Variants in PDS5A observed in about 807,000 individuals in gnomAD.
PDS5A encodes the protein PDS5 cohesin associated factor A.
A neutral mutation model predicts 167.1 loss-of-function variants in PDS5A; 42 were observed. The ratio of observed to expected loss-of-function variants is 0.25; its 90% CI spans 0.20 to 0.33. The LOEUF (loss-of-function observed/expected upper bound fraction) is 0.33, where lower values mean the gene tolerates loss of function less well. Ranked by LOEUF, PDS5A falls within the 10% of genes least tolerant of loss-of-function variation. The probability of loss-of-function intolerance (pLI) is 1.00; values close to 1 mark genes in which losing one functional copy is unlikely to be tolerated. For synonymous variants in PDS5A, 553 were observed against 554.6 expected (o/e 1.00, Z 0.04); for missense variants, 1,033 against 1,605.9 (o/e 0.64, Z 6.10).
chr4:39,898,604 A>G (rs1722619370), intron 15 of PDS5A, 76 bp from the exon 16 acceptor site: 2 of 1,063,862 alleles, frequency 1.9e-6, no homozygotes, highest in Non-Finnish European at 2.7e-6. Context: ...AACAGGTGCC[A>G]TCAAAATATT....
rs182745610 is a variant in PDS5A at position 39,868,178 on chromosome 4, A to C, written c.2506-1181T>G. On this transcript the variant is annotated intron_variant, in intron 22 of 32. Coordinates refer to ENST00000303538, the MANE Select transcript of PDS5A (RefSeq NM_001100399.2). ...TATTAAATGTCACAAATTTAGTAAC[A>C]ATCATCTCTATCTGCTCTGTCACCC... is the stretch of plus-strand genomic sequence containing the variant. Among the ~76,000 whole-genome samples the C allele has an allele frequency of 1.7e-4, 26 of 152,236 alleles. No homozygotes were observed. In the East Asian group the frequency reaches 4.4e-3, roughly 26 times the overall value.
chr4:39,830,349 C>T (rs1285089801), intron 32 of PDS5A, among the ~76,000 whole-genome samples: 1 of 152,092 alleles, frequency 6.6e-6, no homozygotes, highest in Non-Finnish European at 1.5e-5. Flanking sequence ...ACCACCATGC[C>T]GGGCTAATTT....
At chr4:39,883,820 G>C (rs956332743) in intron 17 of PDS5A, among the ~76,000 whole-genome samples, 1 of 151,980 alleles carries the variant, frequency 6.6e-6, no homozygotes, top group African/African-American at 2.4e-5. Context: ...TGTAGAGATA[G>C]GGTTTTGCCA....
intron 22 of PDS5A, chr4:39,868,763 C>CA (rs1438709503): frequency 2.0e-5 from 9 of 443,076 alleles, no homozygotes; most frequent in Non-Finnish European, 3.6e-5. Context: ...AAAAACAAAT[C>CA]AAAGTATTAT....
rs1722066707 is a variant in PDS5A, at chr4:39,892,561, CTTCT to C, written c.1771-2201_1771-2198del. Among the ~76,000 whole-genome samples the C allele has an allele frequency of 1.3e-5, 2 of 152,186 alleles. 1 individual carries two copies. The highest frequency in any genetic ancestry group is 4.1e-4 in the South Asian group (2 of 4,828). ...CCACCCCTGCCTGGAATGAGTAATG[CTTCT>C]TTATTTTACCAAAGCACACAATTCA... On this transcript the variant is annotated intron_variant, in intron 16 of 32. Transcript: ENST00000303538.
intron 17 of PDS5A, among the ~76,000 whole-genome samples, chr4:39,880,406 T>C (rs995821556): frequency 6.6e-6 from 1 of 152,126 alleles, no homozygotes; most frequent in African/African-American, 2.4e-5. Context: ...CACCAGGAAA[T>C]AGAATATTAT....
intron 17 of PDS5A, among the ~76,000 whole-genome samples, chr4:39,884,391 G>A (rs1057100039): frequency 1.3e-5 from 2 of 152,158 alleles, no homozygotes; most frequent in African/African-American, 4.8e-5. Flanking sequence ...TTTCTATTGA[G>A]CTGGGCCAGT....
intron 26 of PDS5A, among the ~76,000 whole-genome samples, chr4:39,856,068 G>C (rs535698826): frequency 1.3e-5 from 2 of 152,122 alleles, no homozygotes; most frequent in South Asian, 4.1e-4. Flanking sequence ...AAGAGATAAA[G>C]GATAAAGGTC....
chr4:39,966,904 C>CAGG (rs10631476), intron 2 of PDS5A, among the ~76,000 whole-genome samples: 95,436 of 151,286 alleles, frequency 0.63, 31,093 homozygotes, highest in Middle Eastern at 0.81. Flanking sequence ...GAGGCTGAGG[C>CAGG]AGAATTGCTT....
intron 2 of PDS5A, among the ~76,000 whole-genome samples, chr4:39,949,959 G>A (rs1481063283): frequency 2.0e-5 from 3 of 152,060 alleles, no homozygotes; most frequent in Non-Finnish European, 4.4e-5. Flanking sequence ...AGGATGGAGT[G>A]TAATGGCATG....
At chr4:39,973,590 C>G (rs187996816) in intron 2 of PDS5A, 2 of 1,265,212 alleles carry the variant, frequency 1.6e-6, no homozygotes, top group Admixed American at 3.4e-5. Context: ...GGTTTGGTTT[C>G]GTATGTTTCT....
chr4:39,890,139 A>G (rs1309022705), intron 17 of PDS5A, 110 bp downstream of exon 17: 3 of 599,612 alleles, frequency 5.0e-6, no homozygotes, highest in African/African-American at 3.7e-5. Flanking sequence ...TGTGATTAAA[A>G]AGAGACATAC....
At chr4:39,911,001 G>A (rs1723835710) in intron 9 of PDS5A, among the ~76,000 whole-genome samples, 1 of 152,082 alleles carries the variant, frequency 6.6e-6, no homozygotes, top group Non-Finnish European at 1.5e-5. Context: ...GGGCGTGGAG[G>A]CATTCCCCTG....
At chr4:39,954,188 A>C (rs11721743) in intron 2 of PDS5A, among the ~76,000 whole-genome samples, 7,505 of 151,566 alleles carry the variant, frequency 0.05, 309 homozygotes, top group Middle Eastern at 0.099. Flanking sequence ...GGAGAAAAAA[A>C]AACAAACAAA....
chr4:39,961,661 T>A (rs1729489970), intron 2 of PDS5A, among the ~76,000 whole-genome samples: 1 of 152,226 alleles, frequency 6.6e-6, no homozygotes, highest in African/African-American at 2.4e-5. Flanking sequence ...TCCAAAGTGC[T>A]GGGATTACAG....
chr4:39,896,431 G>A (rs1444470150), intron 16 of PDS5A, among the ~76,000 whole-genome samples: 1 of 149,722 alleles, frequency 6.7e-6, no homozygotes, highest in Non-Finnish European at 1.5e-5. Context: ...ACACAAAATG[G>A]TTTCTTTCCT....
At chr4:39,847,981 A>G (rs920226749) in intron 28 of PDS5A, 2 of 152,228 alleles carry the variant, frequency 1.3e-5, no homozygotes, top group African/African-American at 4.8e-5. Context: ...AGATTCTCAC[A>G]GAAGCACAAA....
chr4:39,867,733 AACACACACACACACACACAC>A (rs142147688), intron 22 of PDS5A, among the ~76,000 whole-genome samples: 1 of 130,632 alleles, frequency 7.7e-6, no homozygotes, highest in South Asian at 2.4e-4. Context: ...AAAAAACCAA[AACACACACACACACACACAC>A]ACACACACAC....
At chr4:39,936,189 C>A (rs1048216327) in intron 2 of PDS5A, among the ~76,000 whole-genome samples, 3 of 152,166 alleles carry the variant, frequency 2.0e-5, no homozygotes, top group African/African-American at 7.2e-5. Flanking sequence ...TATTCCCCGA[C>A]AGCAATTCTC....
Sources: gnomAD v4.1 joint callset for allele counts (sites outside exome capture counted in the v4.1 genomes callset) on GRCh38, gnomAD v4.1.1 for gene constraint, MANE v1.5 for transcripts, NCBI Gene and HGNC (gene_info 2026-07-23, HGNC 2026-07-21) for gene names.